Variants in GLI2 observed in about 807,000 individuals in gnomAD.
GLI2 encodes the protein GLI family zinc finger 2.
In GLI2, 22 loss-of-function variants were observed where a neutral mutation model predicts 78.9. That is an observed-to-expected ratio of 0.28 (90% CI 0.20 to 0.40). GLI2 has a LOEUF of 0.40. Among genes scored for constraint, GLI2 ranks in the 10% least tolerant of loss-of-function variants. The pLI is 1.00. For synonymous variants in GLI2, 974 were observed against 963.7 expected, an observed-to-expected ratio of 1.01 and a Z score of -0.20; for missense variants, 2,097 against 2,213.2, an observed-to-expected ratio of 0.95 and a Z score of 1.05.
intron 5 of GLI2, among the ~76,000 whole-genome samples, chr2:120,968,034 T>G (rs901498213): frequency 1.4e-4 from 21 of 152,214 alleles, no homozygotes; most frequent in Non-Finnish European, 3.1e-4. Context: ...CCTGTGACCT[T>G]GGAGCACTTA....
chr2:120,786,772 C>T (rs1002187841), intron 1 of GLI2, among the ~76,000 whole-genome samples: 6 of 152,154 alleles, frequency 3.9e-5, no homozygotes, highest in Non-Finnish European at 7.3e-5. Flanking sequence ...CATTAGAAGT[C>T]GATTACTGCA....
chr2:120,814,261 G>A (rs1685392004), intron 2 of GLI2, among the ~76,000 whole-genome samples: 1 of 152,210 alleles, frequency 6.6e-6, no homozygotes, highest in African/African-American at 2.4e-5. Flanking sequence ...CGGGATTTGA[G>A]TGGGAATCAA....
intron 2 of GLI2, among the ~76,000 whole-genome samples, chr2:120,806,667 C>G (rs73949906): frequency 3.3e-5 from 5 of 152,118 alleles, no homozygotes; most frequent in African/African-American, 1.2e-4. Flanking sequence ...TGTTGCCCTG[C>G]GGGGAGGCGC....
At chr2:120,832,741 G>T (rs756292732) in intron 2 of GLI2, among the ~76,000 whole-genome samples, 2 of 152,152 alleles carry the variant, frequency 1.3e-5, no homozygotes, top group Admixed American at 6.5e-5. Context: ...TTCCCTGCAG[G>T]CTGTGTGATG....
chr2:120,866,936 C>G (rs57085551), intron 2 of GLI2: 1,894 of 152,428 alleles, frequency 0.012, 70 homozygotes, highest in East Asian at 0.087. Flanking sequence ...CCTTCACCTG[C>G]ACTGCCCGCA....
chr2:120,961,659 T>C (rs571738686), intron 5 of GLI2, among the ~76,000 whole-genome samples: 2 of 152,160 alleles, frequency 1.3e-5, no homozygotes, highest in Non-Finnish European at 2.9e-5. Context: ...GGGCTGTGGA[T>C]GGCTAGGTGT....
intron 2 of GLI2, among the ~76,000 whole-genome samples, chr2:120,890,334 C>A (rs1573546131): frequency 6.6e-6 from 1 of 152,204 alleles, no homozygotes; most frequent in East Asian, 1.9e-4. Context: ...AGGAGGGCAG[C>A]AGAAGGGTGC....
intron 2 of GLI2, among the ~76,000 whole-genome samples, chr2:120,919,589 GTGCAACATGGC>G (rs2104840434): frequency 6.6e-6 from 1 of 152,354 alleles, no homozygotes; most frequent in Non-Finnish European, 1.5e-5. Flanking sequence ...CACCCGGTGG[GTGCAACATGGC>G]TGCTCCAAAG....
Position 120,743,880 on chromosome 2 carries a change from G to A in GLI2, c.-31+7595G>A, listed in dbSNP as rs113140085. Reference sequence around the variant, plus strand: ...CAGCGGGTAGGGTGGGAAGATCAGAGTCTGGAGAAAGGGAAGGTCTTGGGT... The same window carrying A: ...CAGCGGGTAGGGTGGGAAGATCAGAATCTGGAGAAAGGGAAGGTCTTGGGT... On this transcript the variant is annotated intron_variant, in intron 1 of 13. Coordinates refer to ENST00000361492, the MANE Select transcript of GLI2 (RefSeq NM_001374353.1). Among the ~76,000 whole-genome samples, 1,148 of 152,330 alleles carry A rather than the reference G, an allele frequency of 7.5e-3. 14 individuals are homozygous for A. The highest frequency in any genetic ancestry group is 0.026 in the African/African-American group (1,081 of 41,562).
At chr2:120,860,365 G>T (rs1687849847) in intron 2 of GLI2, among the ~76,000 whole-genome samples, 1 of 152,198 alleles carries the variant, frequency 6.6e-6, no homozygotes, top group South Asian at 2.1e-4. Context: ...TCATCTGCAG[G>T]GTGGGGCTCA....
intron 2 of GLI2, among the ~76,000 whole-genome samples, chr2:120,904,959 TCCC>T (rs1489456843): frequency 6.6e-6 from 1 of 152,166 alleles, no homozygotes; most frequent in Non-Finnish European, 1.5e-5. Flanking sequence ...CTGCAGGCTT[TCCC>T]TCAGCCATTA....
intron 2 of GLI2, among the ~76,000 whole-genome samples, chr2:120,911,384 GA>G (rs1370879246): frequency 2.6e-5 from 4 of 152,208 alleles, no homozygotes; most frequent in Non-Finnish European, 5.9e-5. Context: ...CAGTGTGAAG[GA>G]AGCCCTGTGC....
rs376036218 is a variant in GLI2, at chr2:120,984,773, A to C, written c.1905+30A>C. 6.9e-5 allele frequency: 111 copies of C among 1,609,168 alleles called. 1 individual carries two copies. In the African/African-American group the frequency reaches 1.1e-3, roughly 16 times the overall value. On this transcript the variant is annotated intron_variant, in intron 12 of 13. Coordinates refer to ENST00000361492, the MANE Select transcript of GLI2 (RefSeq NM_001374353.1). ...GCGGAGCTGGGCAGCCCAGCCACGC[A>C]AGGCGACTCCATAGCCGTGCCCAGG...
intron 2 of GLI2, among the ~76,000 whole-genome samples, chr2:120,860,340 C>G (rs1413204831): frequency 6.6e-6 from 1 of 152,214 alleles, no homozygotes; most frequent in Non-Finnish European, 1.5e-5. Context: ...ATCCTATCAC[C>G]TACCCTGGGC....
At chr2:120,876,299 G>A (rs193222179) in intron 2 of GLI2, among the ~76,000 whole-genome samples, 4 of 152,276 alleles carry the variant, frequency 2.6e-5, no homozygotes, top group East Asian at 1.9e-4. Context: ...CCGAGATAGC[G>A]CCACTGCACT....
rs548839676 is a variant in GLI2 at position 120,987,133 on chromosome 2, G to A, written c.2242+519G>A. ...GGATGAGCAGGGAGGACTTCATGGC[G>A]GAGGCAGCACTGTGCTCAGTCTCAA... is the stretch of plus-strand genomic sequence containing the variant. On this transcript the variant is annotated intron_variant, in intron 13 of 13. Transcript: ENST00000361492. Among the ~76,000 whole-genome samples, 4 of 152,334 alleles carry A rather than the reference G, an allele frequency of 2.6e-5. No individual in the cohort carries two copies. In the South Asian group the frequency reaches 6.2e-4, roughly 24 times the overall value.
chr2:120,877,393 G>A (rs531176767), intron 2 of GLI2, among the ~76,000 whole-genome samples: 12 of 152,254 alleles, frequency 7.9e-5, no homozygotes, highest in Admixed American at 2.0e-4. Flanking sequence ...ATACATAACC[G>A]TAAAGTGCAT....
At chr2:120,954,668 A>C (rs1681154412) in intron 4 of GLI2, among the ~76,000 whole-genome samples, 1 of 152,010 alleles carries the variant, frequency 6.6e-6, no homozygotes, top group Non-Finnish European at 1.5e-5. Flanking sequence ...GATGCTCTGA[A>C]TTTCATCCTC....
chr2:120,753,047 G>T (rs1427732282), intron 1 of GLI2, among the ~76,000 whole-genome samples: 1 of 148,540 alleles, frequency 6.7e-6, no homozygotes, highest in Admixed American at 6.7e-5. Context: ...ACTTCTGGGT[G>T]TAAAACTTCG....
Sources: gnomAD v4.1 joint callset for allele counts (sites outside exome capture counted in the v4.1 genomes callset) on GRCh38, gnomAD v4.1.1 for gene constraint, MANE v1.5 for transcripts, NCBI Gene and HGNC (gene_info 2026-07-23, HGNC 2026-07-21) for gene names.